MTR: variants seen among roughly 807,000 people sequenced by gnomAD.
MTR encodes the protein methionine synthase.
MTR carries 84 observed loss-of-function variants against 154.8 expected under a neutral mutation model. The observed-to-expected ratio is 0.54, with a 90% confidence interval of 0.45 to 0.65. MTR has a LOEUF of 0.65. Ranked by LOEUF, MTR falls within the 30% of genes least tolerant of loss-of-function variation. The pLI, the probability that MTR is intolerant of heterozygous loss-of-function variation, is 0.00. For synonymous variants in MTR, 554 were observed against 553.9 expected, an observed-to-expected ratio of 1.00 and a Z score of 0.00; for missense variants, 1,275 against 1,570.2, an observed-to-expected ratio of 0.81 and a Z score of 3.18.
At chr1:236,854,282 A>G (rs148637987) in intron 18 of MTR, among the ~76,000 whole-genome samples, 275 of 152,256 alleles carry the variant, frequency 1.8e-3, no homozygotes, top group African/African-American at 6.2e-3. Context: ...CACTGTGCCA[A>G]CGCTCACACG....
intron 16 of MTR, among the ~76,000 whole-genome samples, chr1:236,852,261 G>C (rs1420592145): frequency 6.6e-6 from 1 of 151,092 alleles, no homozygotes; most frequent in Non-Finnish European, 1.5e-5. Flanking sequence ...TTCTGCGTGT[G>C]TGTGTGTGTG....
chr1:236,878,830 A>G (rs1287306156), intron 24 of MTR, among the ~76,000 whole-genome samples: 2 of 152,196 alleles, frequency 1.3e-5, no homozygotes, highest in African/African-American at 2.4e-5. Context: ...GAGTTCATTA[A>G]TCTGCCCCAG....
intron 18 of MTR, among the ~76,000 whole-genome samples, chr1:236,857,873 A>G (rs1329663369): frequency 6.6e-6 from 1 of 152,194 alleles, no homozygotes; most frequent in Non-Finnish European, 1.5e-5. Flanking sequence ...GAGAGAAATA[A>G]AGGAGGTGGC....
At chr1:236,881,525 A>G (rs1384795901) in intron 25 of MTR, among the ~76,000 whole-genome samples, 2 of 151,968 alleles carry the variant, frequency 1.3e-5, no homozygotes, top group African/African-American at 4.8e-5. Flanking sequence ...ATTTCCAGGT[A>G]AGACGTCACT....
At position 236,852,113 on chromosome 1, in the gene MTR, G is replaced by A. The variant is rs181348660; in HGVS notation, c.1696-408G>A. On this transcript the variant is annotated intron_variant, in intron 16 of 32. Coordinates refer to ENST00000366577, the MANE Select transcript of MTR (RefSeq NM_000254.3). Reference sequence around the variant, plus strand: ...CTGATGATGCTTGATACTGTCATCGGTATGGTTGGAACTTCAATTTCCTTT... The same window carrying A: ...CTGATGATGCTTGATACTGTCATCGATATGGTTGGAACTTCAATTTCCTTT... Among the ~76,000 whole-genome samples the A allele has an allele frequency of 2.8e-4, 42 of 152,264 alleles. No individual in the cohort carries two copies. In the East Asian group the frequency reaches 7.5e-3, roughly 27 times the overall value.
chr1:236,870,727 G>C (rs554417320), intron 22 of MTR, among the ~76,000 whole-genome samples: 1 of 152,196 alleles, frequency 6.6e-6, no homozygotes, highest in African/African-American at 2.4e-5. Context: ...CTCCCTGACA[G>C]CTCCATTTGG....
intron 6 of MTR, among the ~76,000 whole-genome samples, chr1:236,814,084 CA>C (rs963278639): frequency 5.3e-5 from 8 of 151,906 alleles, no homozygotes; most frequent in African/African-American, 1.7e-4. Flanking sequence ...TTGAACTTTT[CA>C]AAAAAATCGT....
At chr1:236,849,147 C>T (rs1391642513) in intron 15 of MTR, among the ~76,000 whole-genome samples, 4 of 152,174 alleles carry the variant, frequency 2.6e-5, no homozygotes, top group Admixed American at 6.5e-5. Flanking sequence ...GGTGAATACC[C>T]TGTGTTGAGG....
chr1:236,896,058 G>A (rs1666606740), intron 31 of MTR, among the ~76,000 whole-genome samples: 1 of 152,142 alleles, frequency 6.6e-6, no homozygotes, highest in Admixed American at 6.5e-5. Context: ...ATAATTCTCT[G>A]TTATGTTTTG....
intron 27 of MTR, among the ~76,000 whole-genome samples, chr1:236,888,341 G>C (rs902206187): frequency 1.3e-5 from 2 of 152,338 alleles, no homozygotes; most frequent in East Asian, 3.9e-4. Context: ...GCAGATGGCA[G>C]TGCTGCTCTA....
intron 15 of MTR, among the ~76,000 whole-genome samples, chr1:236,840,954 AGTT>A (rs772822932): frequency 3.9e-5 from 6 of 152,154 alleles, no homozygotes; most frequent in African/African-American, 1.2e-4. Flanking sequence ...CCATCTGAAA[AGTT>A]GTTATCATCC....
chr1:236,856,090 G>C (rs888818358), intron 18 of MTR, among the ~76,000 whole-genome samples: 1 of 152,132 alleles, frequency 6.6e-6, no homozygotes, highest in Non-Finnish European at 1.5e-5. Flanking sequence ...GCTGTTTGTA[G>C]CCTCTTTTGC....
At chr1:236,846,796 T>G (rs905059433) in intron 15 of MTR, among the ~76,000 whole-genome samples, 2 of 152,246 alleles carry the variant, frequency 1.3e-5, no homozygotes, top group East Asian at 3.8e-4. Flanking sequence ...GGAAACTTCC[T>G]TTTCTTCAGT....
Position 236,824,199 on chromosome 1 carries a change from T to A in MTR, c.845T>A (p.Val282Asp), listed in dbSNP as rs771234723. The change falls in exon 9 of 33, where the codon GTC (valine) becomes GAC (aspartate). Residue 282 changes from valine (V) to aspartate (D), a missense_variant. Physicochemically the swap from Val to Asp is radical, Grantham distance 152. Coordinates refer to ENST00000366577, the MANE Select transcript of MTR (RefSeq NM_000254.3). ...ATTGGAAAATGTACAACAGCCTATG[T>A]CCTCTGTTATCCCAATGCAGGTGTG... ...EIIGKCTTAYVLCYPNAGLPN... is the reference protein window; with the variant it reads ...EIIGKCTTAYDLCYPNAGLPN... 6.2e-7 allele frequency: 1 copy of A among 1,613,806 alleles called. No homozygotes were observed. The highest frequency in any genetic ancestry group is 8.5e-7 in the Non-Finnish European group (1 of 1,179,718).
intron 2 of MTR, among the ~76,000 whole-genome samples, chr1:236,804,185 A>C (rs1660846232): frequency 6.6e-6 from 1 of 152,220 alleles, no homozygotes; most frequent in African/African-American, 2.4e-5. Flanking sequence ...AAAAACTCTC[A>C]TATTTGTGCT....
At chr1:236,847,951 G>A (rs1663680820) in intron 15 of MTR, among the ~76,000 whole-genome samples, 1 of 152,206 alleles carries the variant, frequency 6.6e-6, no homozygotes, top group Admixed American at 6.5e-5. Flanking sequence ...TAAGACAGAA[G>A]CTTGGTGAAC....
At chr1:236,831,821 C>T in intron 12 of MTR, 145 bp from the exon 13 acceptor site, 2 of 677,474 alleles carry the variant, frequency 3.0e-6, no homozygotes, top group Non-Finnish European at 5.4e-6. Context: ...ACGACTATGG[C>T]CCTGTTTCCA....
chr1:236,800,307 A>C, intron 1 of MTR: 1 of 985,392 alleles, frequency 1.0e-6, no homozygotes, highest in Non-Finnish European at 1.2e-6. Context: ...AGGAAGTTTG[A>C]ATACCTTTTA....
At chr1:236,891,530 G>A (rs1428715007) in intron 29 of MTR, among the ~76,000 whole-genome samples, 1 of 152,172 alleles carries the variant, frequency 6.6e-6, no homozygotes, top group Non-Finnish European at 1.5e-5. Flanking sequence ...GGGTGTCAGA[G>A]GCAGGACCAC....
Sources: gnomAD v4.1 joint callset for allele counts (sites outside exome capture counted in the v4.1 genomes callset) on GRCh38, gnomAD v4.1.1 for gene constraint, MANE v1.5 for transcripts, NCBI Gene and HGNC (gene_info 2026-07-23, HGNC 2026-07-21) for gene names.